ZNF775: variants seen among roughly 807,000 people sequenced by gnomAD.
ZNF775 encodes zinc finger protein 775.
ZNF775 carries 1 observed loss-of-function variant against 2.4 expected under a neutral mutation model. The observed-to-expected ratio is 0.41, with a 90% CI of 0.15 to 1.94. The LOEUF (loss-of-function observed/expected upper bound fraction) is 1.94, where lower values mean the gene tolerates loss of function less well. Ranked by LOEUF, ZNF775 falls within the 30% of genes most tolerant of loss-of-function variation. The probability of loss-of-function intolerance (pLI) is 0.30; values close to 1 mark genes in which losing one functional copy is unlikely to be tolerated. For synonymous variants in ZNF775, 381 were observed against 373.3 expected, an observed-to-expected ratio of 1.02 and a Z score of -0.24; for missense variants, 823 against 826.6, an observed-to-expected ratio of 1.00 and a Z score of 0.05.
At chr7:150,390,967 AGAGGT>A (rs1800549322) in intron 2 of ZNF775, among the ~76,000 whole-genome samples, 1 of 152,244 alleles carries the variant, frequency 6.6e-6, no homozygotes, top group African/African-American at 2.4e-5. Flanking sequence ...ATTGTAAAGT[AGAGGT>A]ATTATTGATT....
chr7:150,388,109 G>A (rs147797207), intron 1 of ZNF775, among the ~76,000 whole-genome samples: 204 of 152,300 alleles, frequency 1.3e-3, no homozygotes, highest in African/African-American at 4.7e-3. Context: ...TGAGGGTGTG[G>A]GCTCTCGTGT....
rs1169066721 is a variant in ZNF775 at position 150,382,197 on chromosome 7, C to G, written c.-50+2805C>G. Among the ~76,000 whole-genome samples the G allele has an allele frequency of 7.2e-5, 11 of 152,134 alleles. No homozygotes were observed. The highest frequency in any genetic ancestry group is 7.2e-4 in the Admixed American group (11 of 15,280). ...GGCTCCTGTGTGGCGCTGGGGGCCT[C>G]TGAGATTCCCAACTGGCTGGAAGGA... On this transcript the variant is annotated intron_variant, in intron 1 of 2. Coordinates refer to ENST00000329630, the MANE Select transcript of ZNF775 (RefSeq NM_173680.4). The surrounding 1 kb of genome is among the most constrained non-coding windows in gnomAD (Gnocchi z 4.6).
At chr7:150,387,128 C>G (rs751439332) in intron 1 of ZNF775, among the ~76,000 whole-genome samples, 6 of 151,898 alleles carry the variant, frequency 4.0e-5, no homozygotes, top group Non-Finnish European at 5.9e-5. Context: ...AACCCTGTCT[C>G]TACTAAAAAT....
At chr7:150,390,467 C>T (rs888623476) in intron 2 of ZNF775, among the ~76,000 whole-genome samples, 2 of 152,162 alleles carry the variant, frequency 1.3e-5, no homozygotes, top group African/African-American at 2.4e-5. Flanking sequence ...GCACAGCCAC[C>T]GGTCTCAGAT....
chr7:150,398,096 T>C lies in ZNF775; in HGVS notation c.*1T>C. The C allele has an allele frequency of 6.5e-7, 1 of 1,546,642 alleles. No individual in the cohort carries two copies. The highest frequency in any genetic ancestry group is 1.9e-5 in the Admixed American group (1 of 51,940). On this transcript the variant is annotated 3_prime_UTR_variant, in exon 3 of 3. Coordinates refer to ENST00000329630, the MANE Select transcript of ZNF775 (RefSeq NM_173680.4). ...CAGCCCCAAGGAGGAGGCGCGCTAG[T>C]GGACTGGACCTCAGCGGACCCGTGG...
rs1320239244 is a variant in ZNF775, at chr7:150,384,487, C to T, written c.-49-3935C>T. Among the ~76,000 whole-genome samples the T allele has an allele frequency of 6.6e-6, 1 of 152,102 alleles. No individual in the cohort carries two copies. Among genetic ancestry groups the T allele is most frequent in the African/African-American group, 2.4e-5 (1 of 41,410 alleles). ...ATAGGAGAGAAGCTTAGGGTGGGGA[C>T]GTGTGTGTCTGGCCAGCCTGGAACA... On this transcript the variant is annotated intron_variant, in intron 1 of 2. Transcript: ENST00000329630. This position sits in a 1 kb window ranked among gnomAD's most constrained non-coding sequence, Gnocchi z 4.1.
At chr7:150,387,295 CAAA>C (rs550286754) in intron 1 of ZNF775, among the ~76,000 whole-genome samples, 6 of 102,906 alleles carry the variant, frequency 5.8e-5, no homozygotes, top group Admixed American at 1.0e-4. Context: ...GACTCTGTCT[CAAA>C]AAAAAAAAAA....
chr7:150,385,135 G>A (rs1043882094), intron 1 of ZNF775, among the ~76,000 whole-genome samples: 1 of 152,116 alleles, frequency 6.6e-6, no homozygotes, highest in Non-Finnish European at 1.5e-5. Flanking sequence ...AGGGAGGGAG[G>A]AGCCCCCAGC....
At chr7:150,394,782 A>T (rs1439231619) in intron 2 of ZNF775, among the ~76,000 whole-genome samples, 1 of 151,884 alleles carries the variant, frequency 6.6e-6, no homozygotes, top group Non-Finnish European at 1.5e-5. Context: ...TTCACTTTTA[A>T]TAAGGTAATG....
Position 150,396,711 on chromosome 7 carries a change from C to G in ZNF775, c.230C>G (p.Pro77Arg). Residue 77 changes from proline to arginine, a missense_variant, in exon 3 of 3, where the codon CCC becomes CGC. Transcript: ENST00000329630. ...EESGSPRWAP[P>R]TEQDAGLAGR... Reference sequence around the variant, plus strand: ...TCTGGGAGTCCAAGGTGGGCCCCTCCCACTGAGCAGGATGCGGGGCTGGCA... The same window carrying G: ...TCTGGGAGTCCAAGGTGGGCCCCTCGCACTGAGCAGGATGCGGGGCTGGCA... 1 of 1,601,042 alleles carries G rather than the reference C, an allele frequency of 6.2e-7. No homozygotes were observed. The highest frequency in any genetic ancestry group is 1.1e-5 in the South Asian group (1 of 89,132).
At chr7:150,383,865 C>A in intron 1 of ZNF775, 1 of 152,738 alleles carries the variant, frequency 6.5e-6, no homozygotes, top group Non-Finnish European at 1.5e-5. Context: ...CTGTGCTGGG[C>A]TGGTGGGAGG....
chr7:150,392,545 A>ATCTC (rs56067146), intron 2 of ZNF775, among the ~76,000 whole-genome samples: 2,582 of 136,568 alleles, frequency 0.019, 59 homozygotes, highest in African/African-American at 0.052. Context: ...TCCCAAATGG[A>ATCTC]TCTCTCTCTC....
At chr7:150,390,659 C>T (rs1800545469) in intron 2 of ZNF775, among the ~76,000 whole-genome samples, 2 of 152,320 alleles carry the variant, frequency 1.3e-5, no homozygotes, top group Middle Eastern at 3.4e-3. Flanking sequence ...TTACTTGATG[C>T]ATAGTATTCC....
Position 150,388,494 on chromosome 7 carries a change from C to T in ZNF775, c.24C>T (p.Asn8=), listed in dbSNP as rs755377796. Residue 8 remains asparagine, a synonymous_variant, in exon 2 of 3, where the codon AAC becomes AAT. Transcript: ENST00000329630. Reference sequence around the variant, plus strand: ...GGATGGAGAGTGGCCTGGCTGGCAACGGCACAGGTAAGAGAGAAGAAAGAG... The same window carrying T: ...GGATGGAGAGTGGCCTGGCTGGCAATGGCACAGGTAAGAGAGAAGAAAGAG... MESGLAG[N]GTGAGLVMKV... is the part of the protein sequence containing the mutation. 2.1e-5 allele frequency: 32 copies of T among 1,551,640 alleles called. No homozygotes were observed. Among genetic ancestry groups the T allele is most frequent in the African/African-American group, 2.1e-4 (15 of 73,024 alleles).
chr7:150,396,009 C>T (rs1382922851), intron 2 of ZNF775, among the ~76,000 whole-genome samples: 1 of 152,122 alleles, frequency 6.6e-6, no homozygotes, highest in Non-Finnish European at 1.5e-5. Context: ...TCCCTGACCA[C>T]TGAGGGACTG....
chr7:150,385,525 A>G (rs1800436679), intron 1 of ZNF775, among the ~76,000 whole-genome samples: 1 of 126,932 alleles, frequency 7.9e-6, no homozygotes, highest in African/African-American at 3.0e-5. Flanking sequence ...ACCCCGAATG[A>G]CTGCAAAGAC....
In ZNF775 at chr7:150,398,063, C is replaced by T; in HGVS notation, c.1582C>T (p.Pro528Ser). ...LKHQRVHRAA[P>S]ACSPKEEAR ...GCACCAGCGCGTGCACCGCGCGGCC[C>T]CTGCGTGCAGCCCCAAGGAGGAGGC... Residue 528 changes from proline to serine, a missense_variant, in exon 3 of 3, where the codon CCT (proline) becomes TCT (serine). Coordinates refer to ENST00000329630, the MANE Select transcript of ZNF775 (RefSeq NM_173680.4). 1 of 1,562,480 alleles carries T rather than the reference C, an allele frequency of 6.4e-7. No individual in the cohort carries two copies. The highest frequency in any genetic ancestry group is 8.6e-7 in the Non-Finnish European group (1 of 1,158,840).
At chr7:150,392,686 A>T (rs941300287) in intron 2 of ZNF775, among the ~76,000 whole-genome samples, 7 of 151,782 alleles carry the variant, frequency 4.6e-5, no homozygotes, top group African/African-American at 1.5e-4. Context: ...GGTGTGCACC[A>T]CCACACCCAG....
At position 150,397,754 on chromosome 7, in the gene ZNF775, G is replaced by T. The variant is rs758828910; in HGVS notation, c.1273G>T (p.Ala425Ser). 2 of 1,498,702 alleles carry T rather than the reference G, an allele frequency of 1.3e-6. No homozygotes were observed. The highest frequency in any genetic ancestry group is 4.4e-5 in the Admixed American group (2 of 45,332). 92.8% of individuals were successfully genotyped at this position (1,498,702 alleles called of 1,614,324 possible). A position where few individuals can be genotyped will look rare whatever the true frequency, so the allele number is the denominator to read the frequency against. The change falls in exon 3 of 3, where the codon GCC becomes TCC. Residue 425 changes from alanine (A) to serine (S), a missense_variant. Physicochemically the swap from Ala to Ser is moderately conservative, Grantham distance 99. Transcript: ENST00000329630. ...GCGGAGCTCCCAACGGTCCCCGGGG[G>T]CCCGGGACACGCTGTGGGGCCGGGG... ...RPRSSQRSPG[A>S]RDTLWGRGQA...
Sources: allele counts gnomAD v4.1 joint callset (sites outside exome capture counted in the v4.1 genomes callset), GRCh38; gene constraint gnomAD v4.1.1; non-coding constraint Gnocchi (gnomAD v3.1); transcripts MANE v1.5; gene names NCBI Gene and HGNC (gene_info 2026-07-23, HGNC 2026-07-21).